ALCAM: variants seen among roughly 807,000 people sequenced by gnomAD.
The protein encoded by ALCAM is CD166 antigen.
A neutral mutation model predicts 70.9 loss-of-function variants in ALCAM; 30 were observed. The observed-to-expected ratio is 0.42, with a 90% CI of 0.32 to 0.57. The LOEUF is 0.57. ALCAM is among the 20% of genes least tolerant of loss of function. ALCAM has a pLI of 0.11. For missense variants in ALCAM, 591 were observed against 695.1 expected (o/e 0.85, Z 1.68); for synonymous variants, 249 against 242.5 (o/e 1.03, Z -0.25).
chr3:105,509,749 T>G (rs781074485), intron 1 of ALCAM, among the ~76,000 whole-genome samples: 2 of 152,110 alleles, frequency 1.3e-5, no homozygotes, highest in African/African-American at 2.4e-5. Context: ...CTGCGTATTT[T>G]AATTTTGTTG....
At chr3:105,464,351 G>A (rs1257598090) in intron 1 of ALCAM, among the ~76,000 whole-genome samples, 2 of 146,960 alleles carry the variant, frequency 1.4e-5, no homozygotes, top group African/African-American at 2.5e-5. Context: ...TTAGTTATGG[G>A]GGGTAAAATG....
chr3:105,552,343 CAA>C, intron 13 of ALCAM, 123 bp from the exon 14 acceptor site: 1 of 1,292,944 alleles, frequency 7.7e-7, no homozygotes, highest in South Asian at 1.3e-5. Flanking sequence ...TTAAAAATCA[CAA>C]GTTTGCATGT....
chr3:105,550,379 T>A lies in ALCAM; in HGVS notation c.1507+120T>A, dbSNP rs1443365849. On this transcript the variant is annotated intron_variant, in intron 12 of 15. Coordinates refer to ENST00000306107, the MANE Select transcript of ALCAM (RefSeq NM_001627.4). ...TATGGTAAGTTTTATTTATTTATTT[T>A]GCATTTGGTATCATCATCATAAGGT... is the stretch of plus-strand genomic sequence containing the variant. 48 of 1,050,670 alleles carry A rather than the reference T, an allele frequency of 4.6e-5. No individual in the cohort carries two copies. In the East Asian group the frequency reaches 1.3e-3, roughly 28 times the overall value. The allele number at this position is 1,050,670 out of a possible 1,614,324, so 65.1% of individuals were successfully genotyped here. A position where few individuals can be genotyped will look rare whatever the true frequency, so the allele number is the denominator to read the frequency against.
At chr3:105,414,644 A>G (rs543098945) in intron 1 of ALCAM, among the ~76,000 whole-genome samples, 3 of 152,230 alleles carry the variant, frequency 2.0e-5, no homozygotes, top group African/African-American at 7.2e-5. Flanking sequence ...ACTGAAATGT[A>G]GGGTGCTGGT....
intron 1 of ALCAM, among the ~76,000 whole-genome samples, chr3:105,389,371 G>GTTTTTTTT (rs371987714): frequency 1.5e-4 from 9 of 58,190 alleles, no homozygotes; most frequent in East Asian, 6.8e-4. Flanking sequence ...TATATACATA[G>GTTTTTTTT]TTTTTTTTTT....
At chr3:105,430,562 A>C (rs1332366406) in intron 1 of ALCAM, among the ~76,000 whole-genome samples, 1 of 152,088 alleles carries the variant, frequency 6.6e-6, no homozygotes, top group Non-Finnish European at 1.5e-5. Flanking sequence ...ACATTAAATC[A>C]AGGGTACTTA....
At chr3:105,477,287 T>G (rs1351095984) in intron 1 of ALCAM, among the ~76,000 whole-genome samples, 4 of 152,150 alleles carry the variant, frequency 2.6e-5, no homozygotes, top group Non-Finnish European at 4.4e-5. Context: ...CATTTGGTAT[T>G]AATTCCCTTC....
At chr3:105,374,404 C>CT (rs899742156) in intron 1 of ALCAM, among the ~76,000 whole-genome samples, 1 of 151,970 alleles carries the variant, frequency 6.6e-6, no homozygotes, top group African/African-American at 2.4e-5. Context: ...TTCTTTTTTT[C>CT]TTAAAAAAGA....
intron 1 of ALCAM, among the ~76,000 whole-genome samples, chr3:105,448,050 A>G (rs961662766): frequency 4.6e-5 from 7 of 152,206 alleles, no homozygotes; most frequent in Non-Finnish European, 5.9e-5. Context: ...ACCAACAACA[A>G]CAAAAAATCA....
At chr3:105,487,858 G>A (rs553114424) in intron 1 of ALCAM, among the ~76,000 whole-genome samples, 1 of 152,260 alleles carries the variant, frequency 6.6e-6, no homozygotes, top group East Asian at 1.9e-4. Flanking sequence ...CCCAGATTGA[G>A]CCAACAATGA....
In ALCAM at chr3:105,541,677, G is replaced by A. The variant is rs377544425; in HGVS notation, c.903G>A (p.Thr301=). 1.4e-5 allele frequency: 23 copies of A among 1,612,132 alleles called. No individual in the cohort carries two copies. In the African/African-American group the frequency reaches 1.9e-4, roughly 13 times the overall value. The change falls in exon 8 of 16, where the codon ACG becomes ACA. Residue 301 remains threonine (T), a synonymous_variant. Transcript: ENST00000306107. ...GIRSSNTYTL[T]DVRRNATGDY... ...GAAGCTCAAATACTTACACACTGAC[G>A]GATGTGAGGCGCAATGCAACAGGAG...
chr3:105,395,592 A>G (rs1055251174), intron 1 of ALCAM, among the ~76,000 whole-genome samples: 4 of 152,140 alleles, frequency 2.6e-5, no homozygotes, highest in South Asian at 2.1e-4. Flanking sequence ...AATATGACTT[A>G]TGACACCATG....
At chr3:105,438,314 T>A (rs1424793160) in intron 1 of ALCAM, among the ~76,000 whole-genome samples, 1 of 152,160 alleles carries the variant, frequency 6.6e-6, no homozygotes, top group Non-Finnish European at 1.5e-5. Context: ...ATTGCTGACA[T>A]AATCTATTAT....
At chr3:105,438,187 C>T (rs1201240262) in intron 1 of ALCAM, among the ~76,000 whole-genome samples, 1 of 151,528 alleles carries the variant, frequency 6.6e-6, no homozygotes, top group Non-Finnish European at 1.5e-5. Flanking sequence ...ATGGAGAATC[C>T]TTAATTTTTC....
intron 1 of ALCAM, among the ~76,000 whole-genome samples, chr3:105,469,506 A>G (rs1937858729): frequency 6.6e-6 from 1 of 151,266 alleles, no homozygotes; most frequent in Non-Finnish European, 1.5e-5. Context: ...AAGTAAACAG[A>G]AAGTAGAAAA....
intron 1 of ALCAM, among the ~76,000 whole-genome samples, chr3:105,482,312 A>G (rs1226282118): frequency 1.3e-5 from 2 of 152,056 alleles, no homozygotes; most frequent in South Asian, 2.1e-4. Flanking sequence ...GTGTTTCACC[A>G]TGTTGCCCAG....
At chr3:105,539,411 G>A (rs1045702092) in intron 6 of ALCAM, among the ~76,000 whole-genome samples, 2 of 152,032 alleles carry the variant, frequency 1.3e-5, no homozygotes, top group Non-Finnish European at 2.9e-5. Flanking sequence ...TACACTTACA[G>A]TCCTGTTGAT....
chr3:105,456,971 T>C (rs553429559), intron 1 of ALCAM, among the ~76,000 whole-genome samples: 1 of 152,318 alleles, frequency 6.6e-6, no homozygotes, highest in East Asian at 1.9e-4. Flanking sequence ...AAACTGTTTC[T>C]TAGTGACTTA....
At chr3:105,413,212 AAATT>A (rs1257302278) in intron 1 of ALCAM, among the ~76,000 whole-genome samples, 1 of 152,122 alleles carries the variant, frequency 6.6e-6, no homozygotes, top group Non-Finnish European at 1.5e-5. Context: ...TGTGAGGATT[AAATT>A]AATTAGTGAA....
Sources: allele counts gnomAD v4.1 joint callset (sites outside exome capture counted in the v4.1 genomes callset), GRCh38; gene constraint gnomAD v4.1.1; transcripts MANE v1.5; gene names NCBI Gene and HGNC (gene_info 2026-07-23, HGNC 2026-07-21).